NALCN: variants seen among roughly 807,000 people sequenced by gnomAD.
NALCN encodes sodium leak channel, non-selective.
In NALCN, 111 loss-of-function variants were observed where a neutral mutation model predicts 225.3. The observed-to-expected ratio is 0.49, with a 90% CI of 0.42 to 0.58. NALCN has a LOEUF of 0.58. Among genes scored for constraint, NALCN ranks in the 20% least tolerant of loss-of-function variants. NALCN has a pLI of 0.00. For missense variants in NALCN, 1,378 were observed against 2,202.4 expected, an observed-to-expected ratio of 0.63 and a Z score of 7.49; for synonymous variants, 764 against 769.0, an observed-to-expected ratio of 0.99 and a Z score of 0.11.
chr13:101,169,236 C>G (rs2038599173), intron 15 of NALCN, among the ~76,000 whole-genome samples: 1 of 152,206 alleles, frequency 6.6e-6, no homozygotes, highest in Non-Finnish European at 1.5e-5. Context: ...CCCAGTTTCA[C>G]AGAATGAGTA....
chr13:101,141,485 C>G (rs1233527968), intron 17 of NALCN, among the ~76,000 whole-genome samples: 3 of 152,078 alleles, frequency 2.0e-5, no homozygotes, highest in Non-Finnish European at 4.4e-5. Context: ...CATGGAAATC[C>G]TTGAAAAAGA....
At chr13:101,258,725 G>T in intron 10 of NALCN, 151 bp from the exon 11 acceptor site, 3 of 1,069,192 alleles carry the variant, frequency 2.8e-6, no homozygotes, top group Non-Finnish European at 2.7e-6. Flanking sequence ...CCACACTGCT[G>T]AACTGGGCAG....
chr13:101,136,314 A>ATTTATTTAATTTATT (rs61142230), intron 17 of NALCN, among the ~76,000 whole-genome samples: 1 of 74,158 alleles, frequency 1.3e-5, no homozygotes, highest in African/African-American at 2.9e-5. Flanking sequence ...TTATTTATTT[A>ATTTATTTAATTTATT]TATATTATAC....
intron 1 of NALCN, among the ~76,000 whole-genome samples, chr13:101,410,747 T>C (rs2047756404): frequency 6.6e-6 from 1 of 152,148 alleles, no homozygotes; most frequent in African/African-American, 2.4e-5. Flanking sequence ...AAGCAAAGGA[T>C]TTACCCTGTA....
intron 6 of NALCN, among the ~76,000 whole-genome samples, chr13:101,352,671 G>A (rs772411833): frequency 2.7e-4 from 41 of 152,126 alleles, no homozygotes; most frequent in Non-Finnish European, 5.1e-4. Context: ...AGCATGAGCT[G>A]ATTATAAACT....
At chr13:101,111,635 A>T (rs2035442809) in intron 18 of NALCN, among the ~76,000 whole-genome samples, 1 of 152,094 alleles carries the variant, frequency 6.6e-6, no homozygotes, top group South Asian at 2.1e-4. Flanking sequence ...GGTGGGAGGT[A>T]ATTGAATCAT....
Position 101,124,700 on chromosome 13 carries a change from T to G in NALCN, c.2119-19A>C. ...TGCGAAGCTGAAAATGATAAGAGTATGACTTTTAGTTTTGGAATGTTAAGA... is the reference window on the plus strand; with the variant it reads ...TGCGAAGCTGAAAATGATAAGAGTAGGACTTTTAGTTTTGGAATGTTAAGA... On this transcript the variant is annotated intron_variant, in intron 17 of 43. Transcript: ENST00000251127. 6.2e-7 allele frequency: 1 copy of G among 1,603,838 alleles called. No homozygotes were observed. Among genetic ancestry groups the G allele is most frequent in the Non-Finnish European group, 8.5e-7 (1 of 1,172,920 alleles).
chr13:101,094,014 G>A (rs966320826), intron 28 of NALCN, among the ~76,000 whole-genome samples: 1 of 152,278 alleles, frequency 6.6e-6, no homozygotes, highest in African/African-American at 2.4e-5. Flanking sequence ...CTGGCCATAG[G>A]TGTTCAAGAG....
At chr13:101,353,000 T>C (rs1176937782) in intron 6 of NALCN, among the ~76,000 whole-genome samples, 2 of 152,206 alleles carry the variant, frequency 1.3e-5, no homozygotes, top group African/African-American at 2.4e-5. Flanking sequence ...CAAATCCACA[T>C]GCAACAGATA....
chr13:101,286,529 G>A (rs1243893449), intron 9 of NALCN, among the ~76,000 whole-genome samples: 3 of 152,224 alleles, frequency 2.0e-5, no homozygotes, highest in South Asian at 2.1e-4. Flanking sequence ...CTGGATCCGT[G>A]GCAACACAGA....
intron 7 of NALCN, among the ~76,000 whole-genome samples, chr13:101,335,949 C>T (rs1299958579): frequency 1.3e-5 from 2 of 151,982 alleles, no homozygotes; most frequent in Non-Finnish European, 2.9e-5. Context: ...GCAGCATCAA[C>T]AAAATTCAAT....
chr13:101,392,032 A>G lies in NALCN; in HGVS notation c.291+3151T>C, dbSNP rs144571885. On this transcript the variant is annotated intron_variant, in intron 3 of 43. Transcript: ENST00000251127. ...AAAAAAAACAAAAAATAAAAAATAA[A>G]AATAAAAATAAAACAGACAATTTCC... Among the ~76,000 whole-genome samples the G allele has an allele frequency of 1.9e-4, 29 of 151,800 alleles. No individual in the cohort carries two copies. The East Asian group carries it at 5.6e-3, about 29-fold the overall frequency.
chr13:101,379,257 C>T (rs1160859516), intron 3 of NALCN, among the ~76,000 whole-genome samples: 1 of 152,178 alleles, frequency 6.6e-6, no homozygotes, highest in Non-Finnish European at 1.5e-5. Context: ...AACACTTTTA[C>T]ACTGTTGGTG....
At chr13:101,124,560 T>A in intron 18 of NALCN, 48 bp downstream of exon 18, 5 of 1,507,472 alleles carry the variant, frequency 3.3e-6, no homozygotes, top group Non-Finnish European at 4.6e-6. Context: ...TTTCGATTAA[T>A]ATAATCCCAC....
At chr13:101,098,782 C>G (rs970485166) in intron 27 of NALCN, among the ~76,000 whole-genome samples, 1 of 151,832 alleles carries the variant, frequency 6.6e-6, no homozygotes, top group South Asian at 2.1e-4. Context: ...TTTTTGGCCT[C>G]GGCCTCGGCC....
intron 1 of NALCN, among the ~76,000 whole-genome samples, chr13:101,407,348 T>C (rs1566661312): frequency 6.6e-6 from 1 of 152,206 alleles, no homozygotes; most frequent in Non-Finnish European, 1.5e-5. Context: ...GCAGAAAAGA[T>C]TTCTCCTCTG....
At chr13:101,163,717 T>C (rs183056628) in intron 15 of NALCN, among the ~76,000 whole-genome samples, 259 of 152,220 alleles carry the variant, frequency 1.7e-3, no homozygotes, top group Non-Finnish European at 2.6e-3. Context: ...TCGTTTCTTC[T>C]TGAGTCCAGA....
intron 11 of NALCN, among the ~76,000 whole-genome samples, chr13:101,245,077 C>T (rs1238080669): frequency 6.6e-6 from 1 of 152,188 alleles, no homozygotes; most frequent in African/African-American, 2.4e-5. Context: ...AGCAGGCAGC[C>T]TGTGGAAAAG....
intron 17 of NALCN, among the ~76,000 whole-genome samples, chr13:101,141,006 G>T (rs543882374): frequency 6.6e-6 from 1 of 152,244 alleles, no homozygotes; most frequent in Non-Finnish European, 1.5e-5. Context: ...AGCCTTTAAG[G>T]ATAGTTAAGG....
Sources: allele counts gnomAD v4.1 joint callset (sites outside exome capture counted in the v4.1 genomes callset), GRCh38; gene constraint gnomAD v4.1.1; transcripts MANE v1.5; gene names NCBI Gene and HGNC (gene_info 2026-07-23, HGNC 2026-07-21).